Variants in RALA observed in about 807,000 individuals in gnomAD.
The protein encoded by RALA is RAS like proto-oncogene A, also known as ras-related protein Ral-A.
Under a neutral mutation model 24.0 loss-of-function variants are expected in RALA, and 5 were observed. The observed-to-expected ratio is 0.21, with a 90% CI of 0.11 to 0.44. RALA has a LOEUF of 0.44. RALA is among the 20% of genes least tolerant of loss of function. The pLI is 0.99. For missense variants in RALA, 95 were observed against 241.2 expected (o/e 0.39, Z 4.01); for synonymous variants, 77 against 83.8 (o/e 0.92, Z 0.44).
intron 2 of RALA, among the ~76,000 whole-genome samples, chr7:39,687,516 C>T (rs1017480906): frequency 6.6e-6 from 1 of 152,066 alleles, no homozygotes; most frequent in Non-Finnish European, 1.5e-5. Context: ...TTAAGCAGGC[C>T]AAGTCACTAA....
chr7:39,627,005 G>C (rs1440734672), intron 1 of RALA, among the ~76,000 whole-genome samples: 1 of 133,222 alleles, frequency 7.5e-6, no homozygotes, highest in Non-Finnish European at 1.6e-5. Flanking sequence ...TCCCTCCTAA[G>C]CCTGTGCACT....
intron 1 of RALA, among the ~76,000 whole-genome samples, chr7:39,678,388 C>T (rs999075968): frequency 3.9e-5 from 6 of 151,930 alleles, no homozygotes; most frequent in Non-Finnish European, 7.4e-5. Context: ...CAGTGCCTTA[C>T]GTAGTAAGGT....
intron 1 of RALA, among the ~76,000 whole-genome samples, chr7:39,656,671 T>TC (rs1792102087): frequency 1.3e-5 from 2 of 152,218 alleles, no homozygotes; most frequent in Admixed American, 6.5e-5. Context: ...TGAAGGAAGT[T>TC]AGTTGAACTC....
intron 1 of RALA, among the ~76,000 whole-genome samples, chr7:39,642,972 A>T (rs890898336): frequency 2.2e-4 from 33 of 152,240 alleles, no homozygotes; most frequent in African/African-American, 8.0e-4. Flanking sequence ...ACACTGTAAC[A>T]TTCACTTACT....
intron 1 of RALA, among the ~76,000 whole-genome samples, chr7:39,632,384 T>A (rs972073025): frequency 6.6e-6 from 1 of 152,228 alleles, no homozygotes; most frequent in Non-Finnish European, 1.5e-5. Flanking sequence ...ACAATGTCTT[T>A]AATAGAGGTA....
chr7:39,681,671 T>G (rs892466079), intron 1 of RALA, among the ~76,000 whole-genome samples: 4 of 152,172 alleles, frequency 2.6e-5, no homozygotes, highest in Non-Finnish European at 4.4e-5. Flanking sequence ...GTTTCAGGGC[T>G]CTTTCCTTTG....
intron 1 of RALA, among the ~76,000 whole-genome samples, chr7:39,686,008 C>A (rs558760102): frequency 2.0e-5 from 3 of 152,184 alleles, no homozygotes; most frequent in Non-Finnish European, 2.9e-5. Context: ...GAGTTTGAGA[C>A]CAGCCTGGCC....
At chr7:39,699,763 C>T (rs1332078631) in intron 4 of RALA, among the ~76,000 whole-genome samples, 2 of 152,162 alleles carry the variant, frequency 1.3e-5, no homozygotes, top group Admixed American at 1.3e-4. Flanking sequence ...GACTCTGGTA[C>T]CTGTGGTTGC....
At chr7:39,662,468 C>T (rs1334141010) in intron 1 of RALA, among the ~76,000 whole-genome samples, 2 of 152,148 alleles carry the variant, frequency 1.3e-5, no homozygotes, top group African/African-American at 4.8e-5. Flanking sequence ...CTTTTCAGTG[C>T]TTTGCTGCTT....
Position 39,696,694 on chromosome 7 carries a change from T to C in RALA, c.333T>C (p.Ile111=). 6.3e-7 allele frequency: 1 copy of C among 1,598,950 alleles called. No individual in the cohort carries two copies. Among genetic ancestry groups the C allele is most frequent in the Non-Finnish European group, 8.5e-7 (1 of 1,171,746 alleles). ...ATTTTCTCTTATCCAGGGAGCAGAT[T>C]TTAAGAGTAAAAGAAGATGAGAATG... ...FAATADFREQ[I]LRVKEDENVP... is the part of the protein sequence containing the mutation. Residue 111 remains isoleucine (I), a synonymous_variant, in exon 4 of 5, where the codon ATT becomes ATC. Transcript: ENST00000005257.
At chr7:39,641,310 C>T (rs1428747306) in intron 1 of RALA, among the ~76,000 whole-genome samples, 1 of 152,146 alleles carries the variant, frequency 6.6e-6, no homozygotes, top group Non-Finnish European at 1.5e-5. Flanking sequence ...AACATTAAAT[C>T]AGACTTTACT....
rs748626717 is a variant in RALA at position 39,675,919 on chromosome 7, G to A, written c.-37-10712G>A. Among the ~76,000 whole-genome samples the A allele has an allele frequency of 5.9e-5, 9 of 151,736 alleles. No homozygotes were observed. In the South Asian group the frequency reaches 8.3e-4, roughly 14 times the overall value. ...TGAAATACTTTCCATTCACTAAGAC[G>A]GCCTTTACCTACTTGAAATTTATAA... On this transcript the variant is annotated intron_variant, in intron 1 of 4. Coordinates refer to ENST00000005257, the MANE Select transcript of RALA (RefSeq NM_005402.4).
rs1016003801 is a variant in RALA at position 39,676,565 on chromosome 7, A to T, written c.-37-10066A>T. ...TTCCTTAGAGGGTCATATCATCACT[A>T]AAAAATGCTGGATTTGGGAGCATTT... On this transcript the variant is annotated intron_variant, in intron 1 of 4. Transcript: ENST00000005257. 2.6e-4 allele frequency among the ~76,000 whole-genome samples: 40 copies of T among 152,210 alleles called. 1 individual carries two copies. The highest frequency in any genetic ancestry group is 9.4e-4 in the African/African-American group (39 of 41,450).
At chr7:39,636,173 G>C (rs1562607512) in intron 1 of RALA, among the ~76,000 whole-genome samples, 1 of 152,184 alleles carries the variant, frequency 6.6e-6, no homozygotes, top group Non-Finnish European at 1.5e-5. Context: ...GAACATTGAT[G>C]TATGTGTTTT....
intron 1 of RALA, among the ~76,000 whole-genome samples, chr7:39,657,941 C>G (rs1208074757): frequency 1.3e-5 from 2 of 152,164 alleles, no homozygotes; most frequent in African/African-American, 4.8e-5. Context: ...CTAGTTCATT[C>G]CTGATGAGCC....
chr7:39,625,012 C>T (rs961395033), intron 1 of RALA, among the ~76,000 whole-genome samples: 1 of 152,114 alleles, frequency 6.6e-6, no homozygotes, highest in Non-Finnish European at 1.5e-5. Context: ...TATCTGACAA[C>T]ACCGTTTTTT....
chr7:39,706,457 A>G lies in RALA; in HGVS notation c.*212A>G, dbSNP rs543679864. 2.1e-6 allele frequency: 1 copy of G among 481,956 alleles called. No homozygotes were observed. The highest frequency in any genetic ancestry group is 4.0e-5 in the Admixed American group (1 of 24,694). The allele number at this position is 481,956 out of a possible 1,614,324, so 29.9% of individuals were successfully genotyped here. A position where few individuals can be genotyped will look rare whatever the true frequency, so the allele number is the denominator to read the frequency against. Reference sequence around the variant, plus strand: ...CAAGAAGCAAAGTTCAACTTATTTCATAATTGCCTACATTTATCATGGTCC... The same window carrying G: ...CAAGAAGCAAAGTTCAACTTATTTCGTAATTGCCTACATTTATCATGGTCC... On this transcript the variant is annotated 3_prime_UTR_variant, in exon 5 of 5. Transcript: ENST00000005257.
chr7:39,626,401 C>G (rs75884309), intron 1 of RALA, among the ~76,000 whole-genome samples: 9,415 of 151,754 alleles, frequency 0.062, 384 homozygotes, highest in Non-Finnish European at 0.087. Context: ...TTGCTGAGAG[C>G]ACTGAGTATT....
chr7:39,634,576 G>A (rs546370460), intron 1 of RALA, among the ~76,000 whole-genome samples: 5 of 152,134 alleles, frequency 3.3e-5, no homozygotes, highest in African/African-American at 7.2e-5. Context: ...TTAGGTTTCT[G>A]GGACACCAGC....
Sources: allele counts gnomAD v4.1 joint callset (sites outside exome capture counted in the v4.1 genomes callset), GRCh38; gene constraint gnomAD v4.1.1; transcripts MANE v1.5; gene names NCBI Gene and HGNC (gene_info 2026-07-23, HGNC 2026-07-21).